Variants in NXPH1 observed in about 807,000 individuals in gnomAD.
NXPH1 encodes the protein neurexophilin-1.
In NXPH1, 5 loss-of-function variants were observed where a neutral mutation model predicts 23.7. The observed-to-expected ratio is 0.21, with a 90% CI of 0.11 to 0.44. The LOEUF is 0.44. Among genes scored for constraint, NXPH1 ranks in the 20% least tolerant of loss-of-function variants. The pLI is 0.99. For synonymous variants in NXPH1, 144 were observed against 122.2 expected, an observed-to-expected ratio of 1.18 and a Z score of -1.18; for missense variants, 324 against 321.6, an observed-to-expected ratio of 1.01 and a Z score of -0.06.
At chr7:8,526,228 A>G (rs1817859239) in intron 2 of NXPH1, among the ~76,000 whole-genome samples, 1 of 152,202 alleles carries the variant, frequency 6.6e-6, no homozygotes, top group Admixed American at 6.5e-5. Context: ...TGGATTTTGG[A>G]CTTGCATGGG....
At chr7:8,662,586 T>C (rs1820695218) in intron 2 of NXPH1, among the ~76,000 whole-genome samples, 1 of 152,104 alleles carries the variant, frequency 6.6e-6, no homozygotes, top group Non-Finnish European at 1.5e-5. Context: ...AATGAAGGAC[T>C]TTCAATTTTT....
At chr7:8,474,875 A>G (rs762556589) in intron 2 of NXPH1, among the ~76,000 whole-genome samples, 30 of 152,090 alleles carry the variant, frequency 2.0e-4, no homozygotes, top group Non-Finnish European at 3.7e-4. Flanking sequence ...GGAACACATC[A>G]TGAAGCTGCG....
rs185265460 is a variant in NXPH1 at position 8,562,194 on chromosome 7, T to C, written c.54+126427T>C. Among the ~76,000 whole-genome samples, 27 of 151,802 alleles carry C rather than the reference T, an allele frequency of 1.8e-4. No individual in the cohort carries two copies. In the East Asian group the frequency reaches 4.3e-3, roughly 24 times the overall value. Reference sequence around the variant, plus strand: ...TAATTTGCTCAAGATCAACCTTACATTTTTAACCATTATACGTCAGCTTCC... The same window carrying C: ...TAATTTGCTCAAGATCAACCTTACACTTTTAACCATTATACGTCAGCTTCC... On this transcript the variant is annotated intron_variant, in intron 2 of 2. Coordinates refer to ENST00000405863, the MANE Select transcript of NXPH1 (RefSeq NM_152745.3).
intron 2 of NXPH1, among the ~76,000 whole-genome samples, chr7:8,465,304 T>A (rs924197921): frequency 1.3e-5 from 2 of 152,204 alleles, no homozygotes; most frequent in African/African-American, 2.4e-5. Flanking sequence ...TTCAGTGTGA[T>A]CTATATAAAG....
At chr7:8,599,740 C>T (rs990595192) in intron 2 of NXPH1, among the ~76,000 whole-genome samples, 6 of 151,816 alleles carry the variant, frequency 4.0e-5, no homozygotes, top group Non-Finnish European at 8.8e-5. Context: ...GTAAACAGCA[C>T]CATTACAGAG....
chr7:8,573,087 GT>G lies in NXPH1; in HGVS notation c.54+137333del, dbSNP rs1194314320. Among the ~76,000 whole-genome samples, 1,202 of 143,398 alleles carry G rather than the reference GT, an allele frequency of 8.4e-3. 15 individuals carry two copies. Among genetic ancestry groups the G allele is most frequent in the African/African-American group, 0.027 (1,076 of 39,516 alleles). The allele number at this position is 143,398 out of a possible 152,430, so 94.1% of individuals were successfully genotyped here. A position where few individuals can be genotyped will look rare whatever the true frequency, so the allele number is the denominator to read the frequency against. On this transcript the variant is annotated intron_variant, in intron 2 of 2. Transcript: ENST00000405863. Reference sequence around the variant, plus strand: ...ATATTTCCATCCAGTCTTTCTCTGAGTTTTTTTTTTTTTACCCAGTTAAGAT... The same window carrying G: ...ATATTTCCATCCAGTCTTTCTCTGAGTTTTTTTTTTTTACCCAGTTAAGAT...
chr7:8,480,745 T>C (rs7797787), intron 2 of NXPH1, among the ~76,000 whole-genome samples: 72,509 of 151,966 alleles, frequency 0.48, 17,908 homozygotes, highest in East Asian at 0.78. Flanking sequence ...ACCCGGCAAT[T>C]GTAAGAAGAA....
chr7:8,449,623 T>G (rs55723390), intron 2 of NXPH1, among the ~76,000 whole-genome samples: 2,675 of 152,306 alleles, frequency 0.018, 32 homozygotes, highest in Middle Eastern at 0.082. Flanking sequence ...GTGTGTCTGG[T>G]GTAAGGTGGC....
chr7:8,586,094 C>T (rs534001924), intron 2 of NXPH1, among the ~76,000 whole-genome samples: 2 of 152,220 alleles, frequency 1.3e-5, no homozygotes, highest in African/African-American at 4.8e-5. Context: ...AAGTCTTGAA[C>T]GATCTCATCA....
At chr7:8,510,421 C>T (rs1026821659) in intron 2 of NXPH1, among the ~76,000 whole-genome samples, 9 of 151,792 alleles carry the variant, frequency 5.9e-5, no homozygotes, top group African/African-American at 2.2e-4. Flanking sequence ...CATAGGGAGG[C>T]TGAGACAATT....
At chr7:8,470,281 A>G (rs932034130) in intron 2 of NXPH1, among the ~76,000 whole-genome samples, 68 of 152,184 alleles carry the variant, frequency 4.5e-4, no homozygotes, top group African/African-American at 1.5e-3. Flanking sequence ...GTGGATTTCT[A>G]TCATTTGATG....
chr7:8,643,347 C>T (rs1329483254), intron 2 of NXPH1, among the ~76,000 whole-genome samples: 4 of 151,882 alleles, frequency 2.6e-5, no homozygotes, highest in African/African-American at 9.7e-5. Context: ...TGATTTGAGG[C>T]TATGATGAAT....
chr7:8,530,013 A>G (rs892802465), intron 2 of NXPH1, among the ~76,000 whole-genome samples: 2 of 152,200 alleles, frequency 1.3e-5, no homozygotes, highest in South Asian at 4.1e-4. Context: ...TATTTTTGAA[A>G]TGTGTATGAT....
intron 2 of NXPH1, among the ~76,000 whole-genome samples, chr7:8,655,300 G>A (rs995015033): frequency 6.6e-6 from 1 of 151,966 alleles, no homozygotes; most frequent in Non-Finnish European, 1.5e-5. Context: ...TGGGAGAATC[G>A]CTTGAGCCTG....
intron 2 of NXPH1, among the ~76,000 whole-genome samples, chr7:8,517,737 A>G (rs1034531051): frequency 4.6e-5 from 7 of 152,166 alleles, no homozygotes; most frequent in African/African-American, 1.7e-4. Context: ...GAGAGGAACA[A>G]CATTGATTTT....
At chr7:8,584,274 A>T (rs1283198946) in intron 2 of NXPH1, among the ~76,000 whole-genome samples, 1 of 152,134 alleles carries the variant, frequency 6.6e-6, no homozygotes, top group African/African-American at 2.4e-5. Flanking sequence ...CCATACTTAG[A>T]ACTTTCTTAA....
At chr7:8,743,808 C>T (rs575193185) in intron 2 of NXPH1, among the ~76,000 whole-genome samples, 1 of 151,872 alleles carries the variant, frequency 6.6e-6, no homozygotes, top group African/African-American at 2.4e-5. Flanking sequence ...CTCAGCCTCC[C>T]GAGTAGCTGG....
At chr7:8,535,939 G>A (rs1486027892) in intron 2 of NXPH1, among the ~76,000 whole-genome samples, 1 of 152,030 alleles carries the variant, frequency 6.6e-6, no homozygotes, top group African/African-American at 2.4e-5. Flanking sequence ...TCCCACCCAG[G>A]TATCTCCTTT....
intron 2 of NXPH1, among the ~76,000 whole-genome samples, chr7:8,659,742 AATAATG>A (rs527268396): frequency 0.012 from 1,762 of 152,308 alleles, 21 homozygotes; most frequent in Non-Finnish European, 0.017. Context: ...AACAAAAAAT[AATAATG>A]AAAGAAATTT....
Sources: allele counts gnomAD v4.1 joint callset (sites outside exome capture counted in the v4.1 genomes callset), GRCh38; gene constraint gnomAD v4.1.1; transcripts MANE v1.5; gene names NCBI Gene and HGNC (gene_info 2026-07-23, HGNC 2026-07-21).